AFF1: variants seen among roughly 807,000 people sequenced by gnomAD.
AFF1 encodes ALF transcription elongation factor 1, also known as AF4/FMR2 family member 1.
Under a neutral mutation model 121.7 loss-of-function variants are expected in AFF1, and 48 were observed. That is an observed-to-expected ratio of 0.39 (90% CI 0.31 to 0.50). The LOEUF is 0.50. Ranked by LOEUF, AFF1 falls within the 20% of genes least tolerant of loss-of-function variation. The pLI, the probability that AFF1 is intolerant of heterozygous loss-of-function variation, is 0.76. For missense variants in AFF1, 1,523 were observed against 1,511.7 expected, an observed-to-expected ratio of 1.01 and a Z score of -0.12; for synonymous variants, 613 against 563.0, an observed-to-expected ratio of 1.09 and a Z score of -1.26.
At chr4:86,945,361 T>C (rs1393546422) in intron 1 of AFF1, among the ~76,000 whole-genome samples, 8 of 150,782 alleles carry the variant, frequency 5.3e-5, no homozygotes, top group Non-Finnish European at 1.2e-4. Flanking sequence ...GCCTTGTTTT[T>C]TCACACAGGC....
chr4:86,947,046 G>A (rs977710670), intron 1 of AFF1, among the ~76,000 whole-genome samples: 13 of 152,178 alleles, frequency 8.5e-5, no homozygotes, highest in Admixed American at 7.9e-4. Flanking sequence ...GAGAAAGTGT[G>A]AGCAGCAAAG....
Position 87,135,642 on chromosome 4 carries a change from C to T in AFF1, c.3598C>T (p.Leu1200=), listed in dbSNP as rs61734710. 2,051 of 1,612,702 alleles carry T rather than the reference C, an allele frequency of 1.3e-3. 30 individuals carry two copies. The African/African-American group carries it at 0.024, about 19-fold the overall frequency. The change falls in exon 21 of 21, where the codon CTG becomes TTG. Residue 1200 remains leucine (L), a synonymous_variant. Coordinates refer to ENST00000395146, the MANE Select transcript of AFF1 (RefSeq NM_001166693.3). ...TLALNSSLVD[L]VHYTRQGFQQ... is the part of the protein sequence containing the mutation. ...GGCCCTCAACAGCAGTTTGGTGGAC[C>T]TGGTGCACTATACACGACAGGGTTT... is the stretch of plus-strand genomic sequence containing the variant.
intron 8 of AFF1, among the ~76,000 whole-genome samples, chr4:87,101,269 C>A (rs554375685): frequency 9.9e-5 from 15 of 152,234 alleles, no homozygotes; most frequent in African/African-American, 2.9e-4. Flanking sequence ...GGAATCAGAG[C>A]CTGATTGCTT....
chr4:87,130,829 CTT>C (rs1728761802), intron 16 of AFF1, among the ~76,000 whole-genome samples: 1 of 152,230 alleles, frequency 6.6e-6, no homozygotes, highest in Non-Finnish European at 1.5e-5. Flanking sequence ...TGCGTATGTG[CTT>C]TCATAAGGCT....
At chr4:86,983,409 G>A (rs1014845555) in intron 2 of AFF1, among the ~76,000 whole-genome samples, 2 of 151,704 alleles carry the variant, frequency 1.3e-5, no homozygotes, top group Non-Finnish European at 2.9e-5. Flanking sequence ...GCCTGTAGTC[G>A]CAGCTACTCA....
At chr4:86,990,890 G>T (rs1288281928) in intron 2 of AFF1, among the ~76,000 whole-genome samples, 1 of 152,304 alleles carries the variant, frequency 6.6e-6, no homozygotes, top group Non-Finnish European at 1.5e-5. Context: ...GGTGGCTCAC[G>T]CCTGTAATCC....
chr4:87,137,384 C>A lies in AFF1; in HGVS notation c.*1683C>A. On this transcript the variant is annotated 3_prime_UTR_variant, in exon 21 of 21. Coordinates refer to ENST00000395146, the MANE Select transcript of AFF1 (RefSeq NM_001166693.3). ...ACTCTCTTGGTAGTTTGTAAATACA[C>A]AAAGGGATGTGTCGAGGGATGGGAG... The A allele has an allele frequency of 4.4e-6, 1 of 229,736 alleles. No individual in the cohort carries two copies. 14.2% of individuals were successfully genotyped at this position (229,736 alleles called of 1,614,324 possible).
intron 2 of AFF1, among the ~76,000 whole-genome samples, chr4:86,983,278 A>G (rs1322442011): frequency 6.6e-6 from 1 of 152,158 alleles, no homozygotes; most frequent in African/African-American, 2.4e-5. Flanking sequence ...CTGTAATCCC[A>G]GCATTTTGGG....
chr4:87,131,594 C>A (rs1286043651), intron 17 of AFF1, among the ~76,000 whole-genome samples, 199 bp from the exon 18 acceptor site: 3 of 152,186 alleles, frequency 2.0e-5, no homozygotes, highest in Non-Finnish European at 4.4e-5. Flanking sequence ...GTAGACAAGC[C>A]ACACAAGAGA....
rs560385964 is a variant in AFF1 at position 87,046,576 on chromosome 4, A to G, written c.160-119A>G. 123 of 1,138,960 alleles carry G rather than the reference A, an allele frequency of 1.1e-4. No homozygotes were observed. The African/African-American group carries it at 1.8e-3, about 17-fold the overall frequency. 70.6% of individuals were successfully genotyped at this position (1,138,960 alleles called of 1,614,324 possible). ...GAATTGAGTTAAAATGGCACATTAA[A>G]TTCTACATGTCGTACATTAAGTTCG... On this transcript the variant is annotated intron_variant, in intron 3 of 20. Coordinates refer to ENST00000395146, the MANE Select transcript of AFF1 (RefSeq NM_001166693.3).
intron 12 of AFF1, among the ~76,000 whole-genome samples, chr4:87,118,970 C>T (rs1727394983): frequency 6.6e-6 from 1 of 152,172 alleles, no homozygotes; most frequent in Non-Finnish European, 1.5e-5. Context: ...CATTGGTTCA[C>T]TCTAGTGGTC....
At chr4:87,130,939 C>G in intron 16 of AFF1, 144 bp from the exon 17 acceptor site, 2 of 1,121,442 alleles carry the variant, frequency 1.8e-6, no homozygotes, top group Non-Finnish European at 1.3e-6. Context: ...CTTTGGTTAT[C>G]ATTTTTAGTT....
rs1427172974 is a variant in AFF1 at position 87,047,224 on chromosome 4, G to C, written c.689G>C (p.Arg230Pro). Residue 230 changes from arginine to proline, a missense_variant, in exon 4 of 21, where the codon CGG becomes CCG. This residue lies in a region of AFF1 where 369 missense variants were observed against 367.2 expected (regional missense o/e 1.00). Transcript: ENST00000395146. The part of the protein sequence containing the change: ...PIHSNQQTLP[R>P]TQGSSKVHGS... The stretch of plus-strand genomic sequence containing the variant: ...CATTCCAACCAGCAAACTCTTCCCC[G>C]GACGCAAGGAAGCAGCAAGGTTCAT... 3 of 1,613,962 alleles carry C rather than the reference G, an allele frequency of 1.9e-6. No homozygotes were observed. The highest frequency in any genetic ancestry group is 2.5e-6 in the Non-Finnish European group (3 of 1,180,018).
chr4:87,078,912 T>C (rs1195376685), intron 4 of AFF1, among the ~76,000 whole-genome samples: 8 of 152,196 alleles, frequency 5.3e-5, no homozygotes, highest in Admixed American at 6.5e-5. Context: ...TGCCTTTTGA[T>C]GGTTTTGAAA....
intron 5 of AFF1, among the ~76,000 whole-genome samples, chr4:87,084,598 AAAT>A (rs1476297972): frequency 3.2e-4 from 37 of 116,824 alleles, no homozygotes; most frequent in African/African-American, 9.5e-4. Flanking sequence ...ATAAATAAAT[AAAT>A]AAAAAATAAA....
In AFF1 at chr4:87,114,682, A is replaced by G. The variant is rs1483519721; in HGVS notation, c.1849A>G (p.Lys617Glu). 2 of 1,612,882 alleles carry G rather than the reference A, an allele frequency of 1.2e-6. No individual in the cohort carries two copies. Among genetic ancestry groups the G allele is most frequent in the South Asian group, 1.1e-5 (1 of 91,026 alleles). Reference sequence around the variant, plus strand: ...AACCAAACAACCCAAAAAACCTGTCAAGGCCTCTGCCCGGGCAGGTTCACG... The same window carrying G: ...AACCAAACAACCCAAAAAACCTGTCGAGGCCTCTGCCCGGGCAGGTTCACG... ...VGTKQPKKPV[K>E]ASARAGSRTS... The change falls in exon 12 of 21, where the codon AAG becomes GAG. Residue 617 changes from lysine to glutamate, a missense_variant. Transcript: ENST00000395146.
chr4:87,039,865 G>C (rs1319094806), intron 2 of AFF1, among the ~76,000 whole-genome samples: 3 of 152,062 alleles, frequency 2.0e-5, no homozygotes, highest in Admixed American at 1.3e-4. Context: ...CACATCAGAG[G>C]CTCTGAAACA....
At chr4:87,052,430 C>G (rs770140256) in intron 4 of AFF1, among the ~76,000 whole-genome samples, 5 of 152,026 alleles carry the variant, frequency 3.3e-5, no homozygotes, top group African/African-American at 7.2e-5. Context: ...CTCCTCCCCC[C>G]ACACCACCAC....
chr4:87,073,659 T>G (rs1446181828), intron 4 of AFF1, among the ~76,000 whole-genome samples: 1 of 152,220 alleles, frequency 6.6e-6, no homozygotes, highest in Non-Finnish European at 1.5e-5. Flanking sequence ...ATCTGACTCA[T>G]ATGACTGCAG....
Sources: allele counts gnomAD v4.1 joint callset (sites outside exome capture counted in the v4.1 genomes callset), GRCh38; gene constraint gnomAD v4.1.1; regional missense constraint gnomAD v4.1.1; transcripts MANE v1.5; gene names NCBI Gene and HGNC (gene_info 2026-07-23, HGNC 2026-07-21).